Variants in SEMA4B observed in about 807,000 individuals in gnomAD.
SEMA4B encodes the protein semaphorin 4B.
Under a neutral mutation model 88.1 loss-of-function variants are expected in SEMA4B, and 55 were observed. The observed-to-expected ratio is 0.62, with a 90% CI of 0.50 to 0.78. SEMA4B has a LOEUF of 0.78. Ranked by LOEUF, SEMA4B falls within the 30% of genes least tolerant of loss-of-function variation. The probability of loss-of-function intolerance (pLI) is 0.00; values close to 1 mark genes in which losing one functional copy is unlikely to be tolerated. For missense variants in SEMA4B, 1,062 were observed against 1,111.9 expected (o/e 0.96, Z 0.64); for synonymous variants, 525 against 473.6 (o/e 1.11, Z -1.41).
chr15:90,225,410 A>G lies in SEMA4B; in HGVS notation c.1521+13A>G, dbSNP rs1319612957. On this transcript the variant is annotated intron_variant, in intron 11 of 13. Transcript: ENST00000411539. ...GGACACCCACAGGGTGAGCAGGCCA[A>G]CGAGGAATCCTGGCAGGGTACTTGG... 2.6e-6 allele frequency: 4 copies of G among 1,548,666 alleles called. No homozygotes were observed. The highest frequency in any genetic ancestry group is 2.4e-5 in the East Asian group (1 of 40,944).
chr15:90,210,496 G>C (rs1332334704), intron 1 of SEMA4B, among the ~76,000 whole-genome samples: 1 of 152,196 alleles, frequency 6.6e-6, no homozygotes, highest in Non-Finnish European at 1.5e-5. Context: ...CATCAACACA[G>C]ATGCTGCAGC....
intron 1 of SEMA4B, among the ~76,000 whole-genome samples, chr15:90,188,369 T>C (rs1383922566): frequency 6.6e-6 from 1 of 152,082 alleles, no homozygotes; most frequent in Non-Finnish European, 1.5e-5. Context: ...GGCTTATGCC[T>C]GTAATCCTAG....
upstream of SEMA4B, among the ~76,000 whole-genome samples, chr15:90,196,404 T>C (rs995231866): frequency 6.6e-6 from 1 of 152,216 alleles, no homozygotes; most frequent in Non-Finnish European, 1.5e-5. Flanking sequence ...TGTTAACATA[T>C]AGTTTCGTAA....
chr15:90,215,046 T>G, intron 1 of SEMA4B: 1 of 1,233,804 alleles, frequency 8.1e-7, no homozygotes, highest in Non-Finnish European at 1.0e-6. Context: ...TGAGACTGTT[T>G]GTGTGGTCAT....
At chr15:90,204,620 G>A (rs1311911186) in intron 1 of SEMA4B, among the ~76,000 whole-genome samples, 1 of 152,142 alleles carries the variant, frequency 6.6e-6, no homozygotes, top group African/African-American at 2.4e-5. Context: ...AGAGCTCCAG[G>A]ACCAAAGCCT....
In SEMA4B at chr15:90,212,859, G is replaced by A. The variant is rs982737677; in HGVS notation, c.158-4580G>A. On this transcript the variant is annotated intron_variant, in intron 1 of 13. Transcript: ENST00000411539. This position sits in a 1 kb window ranked among gnomAD's most constrained non-coding sequence, Gnocchi z 4.0. ...GTCTGGCTTTGGCCATGAGACCCTC[G>A]TGTGACCAGGTGCGTGCCTAAGTTA... Among the ~76,000 whole-genome samples the A allele has an allele frequency of 6.6e-5, 10 of 152,182 alleles. No homozygotes were observed. The highest frequency in any genetic ancestry group is 1.9e-4 in the African/African-American group (8 of 41,432).
At chr15:90,194,154 A>G (rs1416579081) in intron 1 of SEMA4B, among the ~76,000 whole-genome samples, 3 of 152,144 alleles carry the variant, frequency 2.0e-5, no homozygotes, top group African/African-American at 7.2e-5. Context: ...CTTTCAGCCC[A>G]TAATAGTCTT....
At chr15:90,208,235 CAA>C (rs888161990) in intron 1 of SEMA4B, among the ~76,000 whole-genome samples, 7 of 144,594 alleles carry the variant, frequency 4.8e-5, no homozygotes, top group East Asian at 2.0e-4. Context: ...GCCTGGAAGA[CAA>C]GAGCAAAACT....
intron 3 of SEMA4B, 57 bp from the exon 4 acceptor site, chr15:90,219,736 G>GC: frequency 7.2e-7 from 1 of 1,392,146 alleles, no homozygotes; most frequent in Non-Finnish European, 1.0e-6. Context: ...GCTCGGCGGT[G>GC]CCCCCTGGTG....
rs1184212980 is a variant in SEMA4B, at chr15:90,224,955, C to T, written c.1195-13C>T. The T allele has an allele frequency of 1.9e-5, 31 of 1,612,366 alleles. No individual in the cohort carries two copies. Among genetic ancestry groups the T allele is most frequent in the Middle Eastern group, 1.7e-4 (1 of 6,058 alleles). ...AGGTGTGGCTGGCCTCACACTGCTG[C>T]TTTCTCCTCCAGTGCATCACCAACA... On this transcript the variant is annotated splice_polypyrimidine_tract_variant and intron_variant, in intron 9 of 13. Transcript: ENST00000411539.
rs754727727 is a variant in SEMA4B, at chr15:90,221,604, G to T, written c.710-10G>T. ...GGGCTGACTCTGAGCTCCTGACCTG[G>T]TCCCTACAGACCCAGCTTTTGTGGC... On this transcript the variant is annotated splice_polypyrimidine_tract_variant and intron_variant, in intron 6 of 13. Transcript: ENST00000411539. 3.1e-6 allele frequency: 5 copies of T among 1,613,822 alleles called. No individual in the cohort carries two copies. The Admixed American group carries it at 5.0e-5, about 16-fold the overall frequency.
At chr15:90,227,688 G>C in intron 13 of SEMA4B, 46 bp downstream of exon 13, 1 of 1,592,582 alleles carries the variant, frequency 6.3e-7, no homozygotes, top group Non-Finnish European at 8.6e-7. Flanking sequence ...GGGGACAAGT[G>C]TGCTTGGAAG....
Position 90,228,188 on chromosome 15 carries a change from G to T in SEMA4B, c.2059G>T (p.Gly687Cys), listed in dbSNP as rs948019392. 5.6e-6 allele frequency: 9 copies of T among 1,610,356 alleles called. No homozygotes were observed. Among genetic ancestry groups the T allele is most frequent in the Non-Finnish European group, 7.6e-6 (9 of 1,178,370 alleles). The change falls in exon 14 of 14, where the codon GGC (glycine) becomes TGC (cysteine). Residue 687 changes from glycine (G) to cysteine (C), a missense_variant. Coordinates refer to ENST00000411539, the MANE Select transcript of SEMA4B (RefSeq NM_198925.4). ...GGTGGCAGACCAAACAGATGAGGGT[G>T]GCAGTGTACCCGTCATTATCAGCAC... ...DGVADQTDEG[G>C]SVPVIISTSR...
chr15:90,221,148 G>T, intron 5 of SEMA4B, 55 bp downstream of exon 5: 3 of 1,296,750 alleles, frequency 2.3e-6, no homozygotes, highest in African/African-American at 1.5e-5. Context: ...GGCACACAGG[G>T]CTAGAGGGCT....
upstream of SEMA4B, among the ~76,000 whole-genome samples, chr15:90,199,244 C>T (rs564542239): frequency 6.6e-6 from 1 of 152,152 alleles, no homozygotes; most frequent in East Asian, 1.9e-4. Flanking sequence ...AAGGAGGAAA[C>T]GGGGAGAACA....
In SEMA4B at chr15:90,228,339, T is replaced by C; in HGVS notation, c.2210T>C (p.Leu737Pro). 1 of 1,601,272 alleles carries C rather than the reference T, an allele frequency of 6.2e-7. No homozygotes were observed. The highest frequency in any genetic ancestry group is 8.5e-7 in the Non-Finnish European group (1 of 1,173,272). Residue 737 changes from leucine to proline, a missense_variant, in exon 14 of 14, where the codon CTC becomes CCC. Physicochemically the swap from Leu to Pro is moderately conservative, Grantham distance 98. Coordinates refer to ENST00000411539, the MANE Select transcript of SEMA4B (RefSeq NM_198925.4). ...LAVLLPVLFL[L>P]YRHRNSMKVF... ...GTGCTGCTCCCAGTTTTATTCTTGC[T>C]CTACCGGCACCGGAACAGCATGAAA...
Position 90,215,007 on chromosome 15 carries a change from G to A in SEMA4B, c.158-2432G>A, listed in dbSNP as rs532675429. On this transcript the variant is annotated intron_variant, in intron 1 of 13. Transcript: ENST00000411539. ...CATCTTCACAGCTGCTTGATTGGGC[G>A]TGTTGCACTTTTTGCTTCCTCAGCT... 27 of 1,260,886 alleles carry A rather than the reference G, an allele frequency of 2.1e-5. 1 individual carries two copies. Among genetic ancestry groups the A allele is most frequent in the South Asian group, 1.2e-4 (9 of 76,502 alleles). The allele number at this position is 1,260,886 out of a possible 1,614,324, so 78.1% of individuals were successfully genotyped here. A position where few individuals can be genotyped will look rare whatever the true frequency, so the allele number is the denominator to read the frequency against.
At chr15:90,225,470 C>T in intron 11 of SEMA4B, 73 bp downstream of exon 11, 2 of 1,387,682 alleles carry the variant, frequency 1.4e-6, no homozygotes, top group Non-Finnish European at 2.0e-6. Context: ...CAGTCCCCAC[C>T]CAGCTTCTCC....
chr15:90,227,932 C>T lies in SEMA4B; in HGVS notation c.1803C>T (p.Phe601=). ...TGEKPCEQVQ[F]QPNTVNTLAC... ...AGAAGCCATGTGAGCAAGTCCAGTT[C>T]CAGCCCAACACAGTGAACACTTTGG... The change falls in exon 14 of 14, where the codon TTC becomes TTT. Residue 601 remains phenylalanine, a synonymous_variant. Coordinates refer to ENST00000411539, the MANE Select transcript of SEMA4B (RefSeq NM_198925.4). 1 of 1,613,166 alleles carries T rather than the reference C, an allele frequency of 6.2e-7. No individual in the cohort carries two copies. The highest frequency in any genetic ancestry group is 8.5e-7 in the Non-Finnish European group (1 of 1,179,866).
Sources: allele counts gnomAD v4.1 joint callset (sites outside exome capture counted in the v4.1 genomes callset), GRCh38; gene constraint gnomAD v4.1.1; non-coding constraint Gnocchi (gnomAD v3.1); transcripts MANE v1.5; gene names NCBI Gene and HGNC (gene_info 2026-07-23, HGNC 2026-07-21).